CADPS2: variants seen among roughly 807,000 people sequenced by gnomAD.
CADPS2 encodes calcium dependent secretion activator 2, also known as calcium-dependent secretion activator 2.
CADPS2 carries 93 observed loss-of-function variants against 172.5 expected under a neutral mutation model. The ratio of observed to expected loss-of-function variants is 0.54; its 90% CI spans 0.46 to 0.64. The LOEUF is 0.64. Among genes scored for constraint, CADPS2 ranks in the 30% least tolerant of loss-of-function variants. The pLI is 0.00. For missense variants in CADPS2, 1,420 were observed against 1,565.9 expected (o/e 0.91, Z 1.57); for synonymous variants, 546 against 555.2 (o/e 0.98, Z 0.23).
chr7:122,495,952 T>G (rs996477861), intron 9 of CADPS2, among the ~76,000 whole-genome samples: 3 of 152,210 alleles, frequency 2.0e-5, no homozygotes, highest in Non-Finnish European at 4.4e-5. Flanking sequence ...GGGTTTTGTC[T>G]TCCTTCCTGA....
At chr7:122,358,225 T>C (rs1376857533) in intron 27 of CADPS2, among the ~76,000 whole-genome samples, 1 of 152,144 alleles carries the variant, frequency 6.6e-6, no homozygotes, top group African/African-American at 2.4e-5. Context: ...TGACAAATGA[T>C]ATTGAGCATT....
intron 1 of CADPS2, among the ~76,000 whole-genome samples, chr7:122,834,051 G>A (rs1335553087): frequency 1.3e-5 from 2 of 152,092 alleles, no homozygotes; most frequent in East Asian, 1.9e-4. Flanking sequence ...AGAAACCAGA[G>A]AACAACTTAA....
rs2064816619 is a variant in CADPS2, at chr7:122,554,777, G to C, written c.1336-88C>G. The C allele has an allele frequency of 2.5e-6, 3 of 1,218,564 alleles. No homozygotes were observed. The African/African-American group carries it at 4.7e-5, about 19-fold the overall frequency. The allele number at this position is 1,218,564 out of a possible 1,614,324, so 75.5% of individuals were successfully genotyped here. On this transcript the variant is annotated intron_variant, in intron 7 of 29. Coordinates refer to ENST00000449022, the MANE Select transcript of CADPS2 (RefSeq NM_017954.11). ...AAATATTTTCTATGTTTTCCTGTTTGAAAAAATGATGTCAACACCCAAATG... is the reference window on the plus strand; with the variant it reads ...AAATATTTTCTATGTTTTCCTGTTTCAAAAAATGATGTCAACACCCAAATG...
chr7:122,611,784 C>G (rs10238335), intron 6 of CADPS2, among the ~76,000 whole-genome samples: 2,323 of 152,092 alleles, frequency 0.015, 57 homozygotes, highest in African/African-American at 0.052. Context: ...GACAATATCT[C>G]TTATGAATAT....
chr7:122,735,994 C>G (rs1306186015), intron 2 of CADPS2, among the ~76,000 whole-genome samples: 1 of 152,090 alleles, frequency 6.6e-6, no homozygotes, highest in Non-Finnish European at 1.5e-5. Context: ...GAGACAAGGT[C>G]CAGTTGGACA....
At chr7:122,832,365 G>T (rs145162767) in intron 1 of CADPS2, among the ~76,000 whole-genome samples, 222 of 150,828 alleles carry the variant, frequency 1.5e-3, no homozygotes, top group Non-Finnish European at 2.5e-3. Flanking sequence ...CTTTTAAAAA[G>T]TGTGAGCTTA....
intron 3 of CADPS2, among the ~76,000 whole-genome samples, chr7:122,647,446 G>A (rs182260316): frequency 3.9e-5 from 6 of 152,226 alleles, no homozygotes; most frequent in Admixed American, 2.0e-4. Flanking sequence ...CAATGAAGTA[G>A]TTTTAGACAT....
intron 2 of CADPS2, chr7:122,702,015 C>G: frequency 6.2e-7 from 1 of 1,613,716 alleles, no homozygotes; most frequent in East Asian, 2.2e-5. Flanking sequence ...TCATCCCCTT[C>G]TTTGAGAACT....
At chr7:122,799,038 A>T (rs1233972929) in intron 1 of CADPS2, among the ~76,000 whole-genome samples, 2 of 152,044 alleles carry the variant, frequency 1.3e-5, no homozygotes, top group Non-Finnish European at 1.5e-5. Context: ...AATCGTAAAA[A>T]TGCTGTCACA....
chr7:122,813,163 A>C (rs1223477595), intron 1 of CADPS2, among the ~76,000 whole-genome samples: 1 of 152,106 alleles, frequency 6.6e-6, no homozygotes, highest in Non-Finnish European at 1.5e-5. Flanking sequence ...CCTAGAGAAA[A>C]CTGCAAGCTA....
chr7:122,605,356 G>C (rs1587771694), intron 6 of CADPS2, among the ~76,000 whole-genome samples: 1 of 152,150 alleles, frequency 6.6e-6, no homozygotes, highest in East Asian at 1.9e-4. Flanking sequence ...ATGTCACTAA[G>C]AGATAGGAAT....
intron 2 of CADPS2, among the ~76,000 whole-genome samples, chr7:122,733,688 A>G (rs989925720): frequency 1.1e-4 from 17 of 152,036 alleles, no homozygotes; most frequent in African/African-American, 3.6e-4. Context: ...TGAACCCACC[A>G]ATCAGAGCTC....
chr7:122,635,288 T>C (rs993195812), intron 3 of CADPS2, among the ~76,000 whole-genome samples: 1 of 151,978 alleles, frequency 6.6e-6, no homozygotes, highest in Admixed American at 6.6e-5. Flanking sequence ...TTTTTAATTA[T>C]TATTATTATA....
intron 24 of CADPS2, among the ~76,000 whole-genome samples, chr7:122,384,757 A>T (rs1443292652): frequency 6.6e-6 from 1 of 152,066 alleles, no homozygotes; most frequent in African/African-American, 2.4e-5. Flanking sequence ...ACAGTAGTAG[A>T]TTACTCTTCA....
At chr7:122,480,932 G>T in intron 11 of CADPS2, 72 bp from the exon 12 acceptor site, 1 of 1,125,854 alleles carries the variant, frequency 8.9e-7, no homozygotes, top group South Asian at 2.0e-5. Context: ...TATACAACTA[G>T]ACATTTAATT....
chr7:122,399,953 C>T (rs1319703025), intron 20 of CADPS2, among the ~76,000 whole-genome samples: 5 of 147,830 alleles, frequency 3.4e-5, no homozygotes, highest in South Asian at 2.2e-4. Context: ...GGATTACAGG[C>T]GTGAGCCACC....
intron 15 of CADPS2, among the ~76,000 whole-genome samples, chr7:122,449,225 T>C (rs2052717989): frequency 2.0e-5 from 3 of 152,076 alleles, no homozygotes; most frequent in Admixed American, 2.0e-4. Context: ...GTCTCAACGG[T>C]AGCAAAAAAG....
At chr7:122,438,593 T>A in intron 16 of CADPS2, 129 bp from the exon 17 acceptor site, 14 of 1,090,046 alleles carry the variant, frequency 1.3e-5, no homozygotes, top group Non-Finnish European at 1.8e-5. Context: ...CTGACTATTA[T>A]TAGGGAGAGG....
At chr7:122,470,068 A>G (rs1479687713) in intron 14 of CADPS2, among the ~76,000 whole-genome samples, 1 of 152,204 alleles carries the variant, frequency 6.6e-6, no homozygotes, top group African/African-American at 2.4e-5. Context: ...TGGTAATGGG[A>G]AAATGTTGAT....
Sources: allele counts gnomAD v4.1 joint callset (sites outside exome capture counted in the v4.1 genomes callset), GRCh38; gene constraint gnomAD v4.1.1; transcripts MANE v1.5; gene names NCBI Gene and HGNC (gene_info 2026-07-23, HGNC 2026-07-21).